The following COL27A1 variants were observed in gnomAD, a reference collection of about 807,000 sequenced individuals.
The protein encoded by COL27A1 is collagen alpha-1(XXVII) chain.
A neutral mutation model predicts 251.3 loss-of-function variants in COL27A1; 106 were observed. The ratio of observed to expected loss-of-function variants is 0.42; its 90% CI spans 0.36 to 0.50. The LOEUF is 0.50. Ranked by LOEUF, COL27A1 falls within the 20% of genes least tolerant of loss-of-function variation. COL27A1 has a pLI of 0.00. For missense variants in COL27A1, 2,325 were observed against 2,522.8 expected (o/e 0.92, Z 1.68); for synonymous variants, 1,000 against 986.3 (o/e 1.01, Z -0.26).
chr9:114,310,250 A>T (rs1274881469), intron 60 of COL27A1, among the ~76,000 whole-genome samples: 2 of 152,166 alleles, frequency 1.3e-5, no homozygotes, highest in Non-Finnish European at 2.9e-5. Flanking sequence ...TAAAAAATAT[A>T]TATATATGTA....
chr9:114,240,362 G>C, intron 20 of COL27A1, 72 bp from the exon 21 acceptor site: 2 of 1,589,072 alleles, frequency 1.3e-6, no homozygotes, highest in Non-Finnish European at 1.7e-6. Context: ...GGAAGCAGGG[G>C]TTGCCTTGCC....
intron 59 of COL27A1, 53 bp from the exon 60 acceptor site, chr9:114,309,207 G>GT: frequency 1.4e-6 from 2 of 1,459,164 alleles, no homozygotes; most frequent in South Asian, 2.3e-5. Context: ...AACCCTCGGT[G>GT]TGGGGGGTGT....
chr9:114,249,029 C>T (rs753116773), intron 24 of COL27A1, among the ~76,000 whole-genome samples: 8 of 152,072 alleles, frequency 5.3e-5, no homozygotes, highest in Non-Finnish European at 1.2e-4. Flanking sequence ...CACCATCTCC[C>T]GTATTCGGAA....
intron 49 of COL27A1, among the ~76,000 whole-genome samples, chr9:114,294,503 G>T (rs2131640165): frequency 6.6e-6 from 1 of 152,220 alleles, no homozygotes; most frequent in South Asian, 2.1e-4. Flanking sequence ...AAGACCAAGT[G>T]GAGTTTATCT....
At chr9:114,265,515 T>A in intron 32 of COL27A1, 40 bp downstream of exon 32, 1 of 1,599,482 alleles carries the variant, frequency 6.3e-7, no homozygotes, top group East Asian at 2.2e-5. Flanking sequence ...TCTTTGCCGC[T>A]GGCACCTGGG....
chr9:114,204,052 G>C (rs942974346), intron 7 of COL27A1, among the ~76,000 whole-genome samples: 1 of 152,108 alleles, frequency 6.6e-6, no homozygotes, highest in Non-Finnish European at 1.5e-5. Context: ...CTACAGGTTT[G>C]AGCGTGCATG....
intron 28 of COL27A1, among the ~76,000 whole-genome samples, chr9:114,263,705 C>G (rs968373217): frequency 6.6e-5 from 10 of 152,140 alleles, no homozygotes; most frequent in Admixed American, 4.6e-4. Flanking sequence ...CAATCAGGGA[C>G]CAAGACTCCT....
chr9:114,275,618 C>T, intron 36 of COL27A1, 43 bp from the exon 37 acceptor site: 1 of 1,393,772 alleles, frequency 7.2e-7, no homozygotes, highest in Non-Finnish European at 9.8e-7. Context: ...TGGCAACTAA[C>T]TTATTCTCTC....
intron 21 of COL27A1, among the ~76,000 whole-genome samples, chr9:114,240,983 C>T (rs1249714): frequency 0.65 from 98,725 of 152,176 alleles, 34,035 homozygotes; most frequent in South Asian, 0.83. Flanking sequence ...CTCTGTGCTT[C>T]CTGGGAGTGG....
intron 37 of COL27A1, among the ~76,000 whole-genome samples, chr9:114,277,467 T>A (rs1174898684): frequency 1.3e-5 from 2 of 152,172 alleles, no homozygotes; most frequent in East Asian, 3.9e-4. Context: ...ACACTGTTTT[T>A]CCCCCCTGAA....
chr9:114,292,329 G>T lies in COL27A1; in HGVS notation c.4584+119G>T. ...CACACACAAACACACTGACCCAGAA[G>T]CCACCTCCTTGCTCTGTGACAAGGT... On this transcript the variant is annotated intron_variant, in intron 49 of 60. Transcript: ENST00000356083. 3 of 790,760 alleles carry T rather than the reference G, an allele frequency of 3.8e-6. No individual in the cohort carries two copies. The South Asian group carries it at 4.8e-5, about 13-fold the overall frequency. The allele number at this position is 790,760 out of a possible 1,614,324, so 49.0% of individuals were successfully genotyped here. A position where few individuals can be genotyped will look rare whatever the true frequency, so the allele number is the denominator to read the frequency against.
At chr9:114,243,162 C>A (rs1187964529) in intron 22 of COL27A1, among the ~76,000 whole-genome samples, 1 of 152,366 alleles carries the variant, frequency 6.6e-6, no homozygotes, top group East Asian at 1.9e-4. Context: ...TCAGGCCACA[C>A]TTTGAGGACC....
intron 17 of COL27A1, 95 bp downstream of exon 17, chr9:114,235,747 G>A: frequency 1.1e-6 from 1 of 903,186 alleles, no homozygotes; most frequent in Non-Finnish European, 1.9e-6. Flanking sequence ...CATGAGCAAG[G>A]ACCCACCTGT....
At chr9:114,238,429 C>A (rs1832541723) in intron 19 of COL27A1, among the ~76,000 whole-genome samples, 1 of 152,160 alleles carries the variant, frequency 6.6e-6, no homozygotes, top group Admixed American at 6.5e-5. Flanking sequence ...ATCATTGGCA[C>A]CCAGGCCAAC....
intron 27 of COL27A1, among the ~76,000 whole-genome samples, chr9:114,255,148 G>A (rs1209753863): frequency 1.6e-4 from 24 of 152,226 alleles, no homozygotes; most frequent in Non-Finnish European, 2.9e-5. Flanking sequence ...TGAGAAGGAG[G>A]AAAAGTCACA....
At position 114,282,320 on chromosome 9, in the gene COL27A1, C is replaced by G. The variant is rs1210523465; in HGVS notation, c.3761C>G (p.Thr1254Ser). ...GGGAAGCAAGGCGAGAAGGGCCGCACTGGAGCCAAGGTAGGTGTCCCCTTC... is the reference window on the plus strand; with the variant it reads ...GGGAAGCAAGGCGAGAAGGGCCGCAGTGGAGCCAAGGTAGGTGTCCCCTTC... ...KSGKQGEKGRTGAKGAKGYQG... is the reference protein window; with the variant it reads ...KSGKQGEKGRSGAKGAKGYQG... The change falls in exon 38 of 61, where the codon ACT becomes AGT. Residue 1254 changes from threonine to serine, a missense_variant. Transcript: ENST00000356083. 2 of 1,614,074 alleles carry G rather than the reference C, an allele frequency of 1.2e-6. No individual in the cohort carries two copies. Among genetic ancestry groups the G allele is most frequent in the Non-Finnish European group, 8.5e-7 (1 of 1,180,024 alleles).
intron 56 of COL27A1, among the ~76,000 whole-genome samples, chr9:114,303,633 G>A (rs1172321682): frequency 2.6e-5 from 4 of 152,208 alleles, no homozygotes; most frequent in African/African-American, 9.7e-5. Flanking sequence ...TGAAAGAACT[G>A]AGAAAGAGTT....
intron 59 of COL27A1, 61 bp from the exon 60 acceptor site, chr9:114,309,199 C>A: frequency 2.2e-6 from 3 of 1,394,736 alleles, no homozygotes; most frequent in South Asian, 2.3e-5. Context: ...AGGCAGGGAA[C>A]CCTCGGTGTG....
At position 114,269,228 on chromosome 9, in the gene COL27A1, C is replaced by G; in HGVS notation, c.3502-13C>G. On this transcript the variant is annotated splice_polypyrimidine_tract_variant and intron_variant, in intron 34 of 60. Coordinates refer to ENST00000356083, the MANE Select transcript of COL27A1 (RefSeq NM_032888.4). Reference sequence around the variant, plus strand: ...CTACCCACCCGCAAGGACTTTTGTTCGGCTTCTCCTAGGGTGACCTTGGAC... The same window carrying G: ...CTACCCACCCGCAAGGACTTTTGTTGGGCTTCTCCTAGGGTGACCTTGGAC... 6.4e-7 allele frequency: 1 copy of G among 1,574,422 alleles called. No homozygotes were observed. Among genetic ancestry groups the G allele is most frequent in the African/African-American group, 1.4e-5 (1 of 73,380 alleles).
Sources: gnomAD v4.1 joint callset for allele counts (sites outside exome capture counted in the v4.1 genomes callset) on GRCh38, gnomAD v4.1.1 for gene constraint, MANE v1.5 for transcripts, NCBI Gene and HGNC (gene_info 2026-07-23, HGNC 2026-07-21) for gene names.